Variants in NCL observed in about 807,000 individuals in gnomAD.
NCL encodes the protein nucleolin multifunctional protein.
Under a neutral mutation model 77.7 loss-of-function variants are expected in NCL, and 4 were observed. That is an observed-to-expected ratio of 0.05 (90% CI 0.03 to 0.12). The LOEUF is 0.12. Ranked by LOEUF, NCL falls within the 10% of genes least tolerant of loss-of-function variation. The pLI is 1.00. For synonymous variants in NCL, 344 were observed against 297.8 expected, an observed-to-expected ratio of 1.16 and a Z score of -1.60; for missense variants, 763 against 860.9, an observed-to-expected ratio of 0.89 and a Z score of 1.42.
At position 231,457,144 on chromosome 2, in the gene NCL, A is replaced by G. The variant is rs373551815; in HGVS notation, c.1448-20T>C. On this transcript the variant is annotated intron_variant, in intron 9 of 13. Transcript: ENST00000322723. ...ATTCACCTGCAAATAGAGATGCCACATTCCTAAGACTCTGAAACAGTGGTT... is the reference window on the plus strand; with the variant it reads ...ATTCACCTGCAAATAGAGATGCCACGTTCCTAAGACTCTGAAACAGTGGTT... 5.5e-5 allele frequency: 88 copies of G among 1,613,352 alleles called. No homozygotes were observed. The highest frequency in any genetic ancestry group is 8.4e-5 in the Admixed American group (5 of 59,878).
chr2:231,463,174 T>C (rs200474284), intron 2 of NCL, 26 bp downstream of exon 2: 90 of 1,489,478 alleles, frequency 6.0e-5, no homozygotes, highest in Middle Eastern at 3.5e-4. Flanking sequence ...TTTAACATAA[T>C]TCTGCATTAA....
intron 2 of NCL, chr2:231,462,879 A>T: frequency 2.9e-6 from 1 of 347,206 alleles, no homozygotes. Context: ...TCAGCTCTGA[A>T]TACAATGCCC....
intron 3 of NCL, 105 bp downstream of exon 3, chr2:231,461,435 G>GA (rs1326151105): frequency 1.3e-6 from 2 of 1,503,766 alleles, no homozygotes; most frequent in East Asian, 4.5e-5. Flanking sequence ...TTCCCACAAG[G>GA]ATTCTAATCT....
Position 231,454,141 on chromosome 2 carries a change from G to T in NCL, c.*1050C>A, listed in dbSNP as rs182924005. 2.6e-5 allele frequency: 4 copies of T among 152,176 alleles called. No homozygotes were observed. Among genetic ancestry groups the T allele is most frequent in the Non-Finnish European group, 4.4e-5 (3 of 68,098 alleles). The allele number at this position is 152,176 out of a possible 1,614,324, so 9.4% of individuals were successfully genotyped here. ...GTGTCCACTGGTCTATCCATCTAGC[G>T]TGAGTTCTATTCCAGAACTGCTTTT... On this transcript the variant is annotated 3_prime_UTR_variant, in exon 14 of 14. Coordinates refer to ENST00000322723, the MANE Select transcript of NCL (RefSeq NM_005381.3).
chr2:231,458,357 G>C lies in NCL; in HGVS notation c.1198C>G (p.Leu400Val). Residue 400 changes from leucine (L) to valine (V), a missense_variant, in exon 8 of 14, where the codon CTC becomes GTC. Transcript: ENST00000322723. Reference protein sequence around the residue: ...RDARTLLAKNLPYKVTQDELK... With the variant: ...RDARTLLAKNVPYKVTQDELK... The stretch of plus-strand genomic sequence containing the variant: ...TCATCCTGAGTGACTTTGTAAGGGA[G>C]ATTTTTAGCCAAAAGTGTTCTCGCA... 1 of 1,613,960 alleles carries C rather than the reference G, an allele frequency of 6.2e-7. No homozygotes were observed. Among genetic ancestry groups the C allele is most frequent in the Non-Finnish European group, 8.5e-7 (1 of 1,179,952 alleles).
chr2:231,463,986 C>T (rs998432427), intron 1 of NCL: 6 of 537,172 alleles, frequency 1.1e-5, no homozygotes, highest in South Asian at 8.1e-5. Flanking sequence ...GCGCGGCCCA[C>T]GTGGCAGGCC....
intron 9 of NCL, chr2:231,457,406 C>G (rs751996806): frequency 1.6e-5 from 12 of 750,918 alleles, no homozygotes; most frequent in Non-Finnish European, 9.5e-6. Context: ...TAAAACATGC[C>G]TACAAAGGAA....
In NCL at chr2:231,460,279, T is replaced by C. The variant is rs1296544872; in HGVS notation, c.913A>G (p.Thr305Ala). 2 of 1,614,106 alleles carry C rather than the reference T, an allele frequency of 1.2e-6. No homozygotes were observed. Among genetic ancestry groups the C allele is most frequent in the Non-Finnish European group, 8.5e-7 (1 of 1,179,996 alleles). The change falls in exon 6 of 14, where the codon ACG becomes GCG. Residue 305 changes from threonine (T) to alanine (A), a missense_variant. Thr to Ala is a moderately conservative substitution (Grantham distance 58). Transcript: ENST00000322723. The part of the protein sequence containing the change: ...KQKVEGTEPT[T>A]AFNLFVGNLN... The stretch of plus-strand genomic sequence containing the variant: ...TTTCCAACAAAGAGATTGAAAGCCG[T>C]AGTCGGTTCTGTGCCTGCACAAAAA...
At position 231,463,196 on chromosome 2, in the gene NCL, T is replaced by A. The variant is rs372200088; in HGVS notation, c.135+4A>T. The stretch of plus-strand genomic sequence containing the variant: ...TAATTCTGCATTAAGTTGGATAAAA[T>A]TACCTCTTCTCCACTGCTATCATCT... On this transcript the variant is annotated splice_donor_region_variant and intron_variant, in intron 2 of 13. Coordinates refer to ENST00000322723, the MANE Select transcript of NCL (RefSeq NM_005381.3). 1.3e-4 allele frequency: 200 copies of A among 1,566,434 alleles called. No homozygotes were observed. Among genetic ancestry groups the A allele is most frequent in the Admixed American group, 3.4e-4 (18 of 52,926 alleles).
At chr2:231,458,124 A>G in intron 8 of NCL, 142 bp downstream of exon 8, 9 of 1,100,278 alleles carry the variant, frequency 8.2e-6, no homozygotes, top group Non-Finnish European at 1.2e-5. Context: ...CCCATGGTAC[A>G]GATGGGTTAC....
Position 231,460,135 on chromosome 2 carries a change from T to C in NCL, c.1040+17A>G, listed in dbSNP as rs762624377. On this transcript the variant is annotated intron_variant, in intron 6 of 13. Transcript: ENST00000322723. ...TTAACAGACCCACGTGTATGTAACGTGCAGTGAAGCACTTACCTAGTCATA... is the reference window on the plus strand; with the variant it reads ...TTAACAGACCCACGTGTATGTAACGCGCAGTGAAGCACTTACCTAGTCATA... 11 of 1,606,876 alleles carry C rather than the reference T, an allele frequency of 6.8e-6. No homozygotes were observed. The highest frequency in any genetic ancestry group is 9.3e-6 in the Non-Finnish European group (11 of 1,177,634).
intron 12 of NCL, 93 bp downstream of exon 12, chr2:231,455,917 A>T: frequency 6.3e-7 from 1 of 1,586,364 alleles, no homozygotes; most frequent in Non-Finnish European, 8.7e-7. Flanking sequence ...GATAGACAGA[A>T]AGGAGCTCAA....
intron 3 of NCL, 116 bp from the exon 4 acceptor site, chr2:231,460,982 G>A: frequency 2.3e-6 from 2 of 870,594 alleles, no homozygotes; most frequent in Non-Finnish European, 1.9e-6. Context: ...GTCATGGCAA[G>A]AATAGATCAC....
intron 6 of NCL, 81 bp downstream of exon 6, chr2:231,460,071 C>G (rs1322378558): frequency 2.1e-6 from 3 of 1,419,166 alleles, no homozygotes; most frequent in Admixed American, 4.4e-5. Context: ...TTAACAGTAG[C>G]AGGCTAAAGT....
Position 231,460,134 on chromosome 2 carries a change from G to A in NCL, c.1040+18C>T, listed in dbSNP as rs187104540. 2,991 of 1,606,346 alleles carry A rather than the reference G, an allele frequency of 1.9e-3. 4 individuals are homozygous for A. Among genetic ancestry groups the A allele is most frequent in the Non-Finnish European group, 2.3e-3 (2,673 of 1,177,316 alleles). On this transcript the variant is annotated intron_variant, in intron 6 of 13. Coordinates refer to ENST00000322723, the MANE Select transcript of NCL (RefSeq NM_005381.3). ...ATTAACAGACCCACGTGTATGTAAC[G>A]TGCAGTGAAGCACTTACCTAGTCAT...
chr2:231,457,374 C>A (rs916514899), intron 9 of NCL: 1 of 753,790 alleles, frequency 1.3e-6, no homozygotes, highest in Non-Finnish European at 2.4e-6. Flanking sequence ...TCAAAACGCA[C>A]ATGGTCAAGT....
intron 1 of NCL, chr2:231,464,119 C>T (rs2046977825): frequency 2.2e-6 from 3 of 1,377,458 alleles, no homozygotes; most frequent in Non-Finnish European, 2.8e-6. Flanking sequence ...CTGTCTTTCC[C>T]GCCGCGTTCG....
chr2:231,459,631 G>A (rs985499594), intron 6 of NCL, among the ~76,000 whole-genome samples: 2 of 151,848 alleles, frequency 1.3e-5, no homozygotes, highest in Admixed American at 1.3e-4. Flanking sequence ...AAACTTACTG[G>A]CAGGGTGGCT....
At chr2:231,459,242 C>T (rs1354789044) in intron 6 of NCL, 117 bp from the exon 7 acceptor site, 2 of 1,170,990 alleles carry the variant, frequency 1.7e-6, no homozygotes, top group Non-Finnish European at 2.3e-6. Flanking sequence ...AAAAAGCACC[C>T]CTAGTATTAG....
Sources: gnomAD v4.1 joint callset for allele counts (sites outside exome capture counted in the v4.1 genomes callset) on GRCh38, gnomAD v4.1.1 for gene constraint, MANE v1.5 for transcripts, NCBI Gene and HGNC (gene_info 2026-07-23, HGNC 2026-07-21) for gene names.